The following ROBO1 variants were observed in gnomAD, a reference collection of about 807,000 sequenced individuals.
The protein encoded by ROBO1 is roundabout homolog 1.
In ROBO1, 149 loss-of-function variants were observed where a neutral mutation model predicts 195.9. That is an observed-to-expected ratio of 0.76 (90% CI 0.67 to 0.87). ROBO1 has a LOEUF of 0.87. Among genes scored for constraint, ROBO1 ranks in the 40% least tolerant of loss-of-function variants. The pLI, the probability that ROBO1 is intolerant of heterozygous loss-of-function variation, is 0.00. For synonymous variants in ROBO1, 816 were observed against 733.2 expected, an observed-to-expected ratio of 1.11 and a Z score of -1.82; for missense variants, 1,933 against 2,068.3, an observed-to-expected ratio of 0.93 and a Z score of 1.27.
intron 1 of ROBO1, among the ~76,000 whole-genome samples, chr3:79,659,238 A>G (rs1946258628): frequency 6.6e-6 from 1 of 152,096 alleles, no homozygotes; most frequent in Admixed American, 6.6e-5. Context: ...AAAATTATTG[A>G]GATTTCAATA....
chr3:79,275,400 T>G (rs192645323), intron 2 of ROBO1, among the ~76,000 whole-genome samples: 1 of 152,090 alleles, frequency 6.6e-6, no homozygotes, highest in Admixed American at 6.6e-5. Flanking sequence ...TTTCAATTGA[T>G]GCTGAAAAAG....
intron 2 of ROBO1, among the ~76,000 whole-genome samples, chr3:79,362,743 T>C (rs1281875322): frequency 2.0e-5 from 3 of 152,102 alleles, no homozygotes; most frequent in African/African-American, 7.2e-5. Context: ...GAAATTTCTC[T>C]TCAGGGAAAA....
At chr3:79,678,002 A>C (rs2106949325) in intron 1 of ROBO1, among the ~76,000 whole-genome samples, 1 of 152,248 alleles carries the variant, frequency 6.6e-6, no homozygotes, top group Middle Eastern at 3.4e-3. Flanking sequence ...GTTATATATG[A>C]AATATTTAAA....
chr3:78,826,614 G>T lies in ROBO1; in HGVS notation c.500-79714C>A, dbSNP rs915021989. On this transcript the variant is annotated intron_variant, in intron 4 of 30. Transcript: ENST00000464233. ...TGAAATTGACCATGGAGGCTATTTA[G>T]AATCTATGCTTCTTGGACAGCAAAA... is the stretch of plus-strand genomic sequence containing the variant. Among the ~76,000 whole-genome samples, 6 of 152,278 alleles carry T rather than the reference G, an allele frequency of 3.9e-5. No homozygotes were observed. In the East Asian group the frequency reaches 1.2e-3, roughly 29 times the overall value.
chr3:78,930,549 A>G (rs1176400143), intron 4 of ROBO1, among the ~76,000 whole-genome samples: 1 of 152,218 alleles, frequency 6.6e-6, no homozygotes, highest in Non-Finnish European at 1.5e-5. Flanking sequence ...AAACCGCTAT[A>G]AGCCATTTTG....
intron 2 of ROBO1, among the ~76,000 whole-genome samples, chr3:79,587,620 T>C (rs1181897683): frequency 6.6e-6 from 1 of 151,752 alleles, no homozygotes; most frequent in Non-Finnish European, 1.5e-5. Flanking sequence ...AATAAGAAAT[T>C]ATGTTTTTTT....
At chr3:79,165,091 G>T (rs776425013) in intron 2 of ROBO1, among the ~76,000 whole-genome samples, 17 of 151,986 alleles carry the variant, frequency 1.1e-4, no homozygotes, top group Non-Finnish European at 2.1e-4. Context: ...GAATGTAAGC[G>T]CCATAAGGTC....
intron 8 of ROBO1, among the ~76,000 whole-genome samples, chr3:78,711,348 C>CT (rs1428531321): frequency 0.013 from 727 of 54,092 alleles, 25 homozygotes; most frequent in East Asian, 0.041. Context: ...TCCTTCCTTC[C>CT]TCCTTCCTTC....
intron 4 of ROBO1, among the ~76,000 whole-genome samples, chr3:78,866,788 G>A (rs1472501849): frequency 6.6e-6 from 1 of 152,136 alleles, no homozygotes; most frequent in African/African-American, 2.4e-5. Flanking sequence ...TGTCTATATT[G>A]CATTTATCTC....
At chr3:79,136,516 C>G (rs2080412571) in intron 2 of ROBO1, among the ~76,000 whole-genome samples, 1 of 152,048 alleles carries the variant, frequency 6.6e-6, no homozygotes, top group Admixed American at 6.5e-5. Flanking sequence ...GAATTGTGTT[C>G]TACAAATTGG....
intron 4 of ROBO1, among the ~76,000 whole-genome samples, chr3:78,835,222 C>T (rs933072340): frequency 2.0e-5 from 3 of 152,094 alleles, no homozygotes; most frequent in African/African-American, 7.2e-5. Flanking sequence ...AATGTCATTA[C>T]AAATTATGTA....
At chr3:79,723,878 G>T (rs1286818210) in intron 1 of ROBO1, among the ~76,000 whole-genome samples, 1 of 152,038 alleles carries the variant, frequency 6.6e-6, no homozygotes, top group Non-Finnish European at 1.5e-5. Flanking sequence ...TATTATATGA[G>T]AAATATGACT....
intron 2 of ROBO1, among the ~76,000 whole-genome samples, chr3:79,484,753 A>ATTTTTTTTTTTTTTTTT (rs1402757273): frequency 2.3e-4 from 4 of 17,698 alleles, no homozygotes; most frequent in Admixed American, 7.0e-4. Flanking sequence ...TCATTGCACT[A>ATTTTTTTTTTTTTTTTT]TCTTTTTTTT....
Position 78,668,172 on chromosome 3 carries a change from T to C in ROBO1, c.1761A>G (p.Ser587=). The C allele has an allele frequency of 2.5e-6, 4 of 1,613,810 alleles. No homozygotes were observed. The highest frequency in any genetic ancestry group is 3.4e-6 in the Non-Finnish European group (4 of 1,179,796). The part of the protein sequence containing the change: ...VTLSWQPNLN[S]GATPTSYIIE... ...TAATATAAGATGTTGGAGTTGCTCCTGAATTCAAATTTGGTTGCCACGATA... is the reference window on the plus strand; with the variant it reads ...TAATATAAGATGTTGGAGTTGCTCCCGAATTCAAATTTGGTTGCCACGATA... The change falls in exon 13 of 31, where the codon TCA becomes TCG. Residue 587 remains serine (S), a synonymous_variant. Transcript: ENST00000464233.
At chr3:78,857,737 G>A (rs1334688236) in intron 4 of ROBO1, among the ~76,000 whole-genome samples, 1 of 152,148 alleles carries the variant, frequency 6.6e-6, no homozygotes, top group Non-Finnish European at 1.5e-5. Flanking sequence ...ACAGCATTAA[G>A]GAAATTTGCC....
intron 3 of ROBO1, among the ~76,000 whole-genome samples, chr3:78,999,764 G>A (rs1375756417): frequency 6.6e-6 from 1 of 152,102 alleles, no homozygotes; most frequent in Non-Finnish European, 1.5e-5. Flanking sequence ...GGCACCTGAT[G>A]AGAAAATAAT....
intron 4 of ROBO1, among the ~76,000 whole-genome samples, chr3:78,773,614 A>AT (rs2083432200): frequency 6.6e-6 from 1 of 152,126 alleles, no homozygotes; most frequent in Non-Finnish European, 1.5e-5. Flanking sequence ...ATATTCCATA[A>AT]TTTTTTATTG....
chr3:79,754,338 G>T (rs1170622278), intron 1 of ROBO1, among the ~76,000 whole-genome samples: 1 of 152,160 alleles, frequency 6.6e-6, no homozygotes, highest in Non-Finnish European at 1.5e-5. Context: ...GTAACCTGAG[G>T]GTGGAAATCA....
intron 19 of ROBO1, among the ~76,000 whole-genome samples, chr3:78,649,903 G>A (rs1706540013): frequency 6.6e-6 from 1 of 152,144 alleles, no homozygotes; most frequent in Non-Finnish European, 1.5e-5. Flanking sequence ...AGAGTTGCAT[G>A]TCACATTTTT....
Sources: gnomAD v4.1 joint callset for allele counts (sites outside exome capture counted in the v4.1 genomes callset) on GRCh38, gnomAD v4.1.1 for gene constraint, MANE v1.5 for transcripts, NCBI Gene and HGNC (gene_info 2026-07-23, HGNC 2026-07-21) for gene names.